The following ATRX variants were observed in gnomAD, a reference collection of about 807,000 sequenced individuals.
ATRX encodes ATRX chromatin remodeler, also known as chromatin remodeler ATRX.
ATRX carries 12 observed loss-of-function variants against 172.6 expected under a neutral mutation model. That is an observed-to-expected ratio of 0.07 (90% CI 0.04 to 0.11). ATRX has a LOEUF of 0.11. Ranked by LOEUF, ATRX falls within the 10% of genes least tolerant of loss-of-function variation. ATRX has a pLI of 1.00. For synonymous variants in ATRX, 674 were observed against 594.7 expected (o/e 1.13, Z -1.94); for missense variants, 1,368 against 1,767.4 (o/e 0.77, Z 4.05).
chrX:77,549,734 A>G (rs1466101430), intron 30 of ATRX, among the ~76,000 whole-genome samples: 2 of 112,308 alleles, frequency 1.8e-5, no homozygotes, highest in African/African-American at 3.2e-5. Context: ...CCCTTAAATC[A>G]ACTTATTAAA....
chrX:77,669,149 A>G (rs1557127995), intron 10 of ATRX, among the ~76,000 whole-genome samples: 1 of 111,645 alleles, frequency 9.0e-6, no homozygotes, highest in Non-Finnish European at 1.9e-5. Flanking sequence ...AGATATAGGA[A>G]ATGACTCAGC....
At chrX:77,609,757 A>T (rs1481363525) in intron 22 of ATRX, among the ~76,000 whole-genome samples, 4 of 112,068 alleles carry the variant, frequency 3.6e-5, no homozygotes, top group African/African-American at 1.3e-4. Context: ...GATTACAGGC[A>T]TGAGCCACCA....
intron 1 of ATRX, among the ~76,000 whole-genome samples, chrX:77,747,996 G>A (rs1191314032): frequency 9.0e-6 from 1 of 111,039 alleles, no homozygotes; most frequent in Non-Finnish European, 1.9e-5. Flanking sequence ...ATAAAGAAGG[G>A]GAGAAGAACA....
chrX:77,598,122 G>A (rs1194578047), intron 25 of ATRX, among the ~76,000 whole-genome samples: 1 of 111,632 alleles, frequency 9.0e-6, no homozygotes, highest in Non-Finnish European at 1.9e-5. Context: ...ACAAAATCAT[G>A]TCCTTTGCAG....
intron 12 of ATRX, among the ~76,000 whole-genome samples, chrX:77,657,073 A>G (rs1220791742): frequency 1.8e-5 from 2 of 111,742 alleles, no homozygotes; most frequent in Non-Finnish European, 3.8e-5. Flanking sequence ...AGAACTCGGA[A>G]AGGGAAACAA....
chrX:77,624,500 G>A (rs1055947842), intron 19 of ATRX, among the ~76,000 whole-genome samples: 1 of 112,072 alleles, frequency 8.9e-6, no homozygotes, highest in Non-Finnish European at 1.9e-5. Context: ...AAAGCTCCTA[G>A]AACTGATAAA....
At position 77,505,507 on chromosome X, in the gene ATRX, T is replaced by C. The variant is rs1374000817; in HGVS notation, c.*2844A>G. 4.0e-5 allele frequency: 7 copies of C among 173,284 alleles called. No homozygotes were observed. Among genetic ancestry groups the C allele is most frequent in the African/African-American group, 2.1e-4 (7 of 33,831 alleles). The allele number at this position is 173,284 out of a possible 1,213,427, so 14.3% of individuals were successfully genotyped here. On this transcript the variant is annotated 3_prime_UTR_variant, in exon 35 of 35. Transcript: ENST00000373344. ...ACAAACACACATGGACTTCCTGGTA[T>C]GTAAATTCTTTTTGAGATGAGAGAT...
At chrX:77,636,646 A>T (rs1201549295) in intron 15 of ATRX, among the ~76,000 whole-genome samples, 1 of 111,130 alleles carries the variant, frequency 9.0e-6, no homozygotes, top group Non-Finnish European at 1.9e-5. Flanking sequence ...AAAAATTTTA[A>T]ATCACTCTGA....
At chrX:77,674,106 C>T (rs1276891300) in intron 10 of ATRX, 1 of 110,955 alleles carries the variant, frequency 9.0e-6, no homozygotes, top group African/African-American at 3.3e-5. Flanking sequence ...CAATTGTGTA[C>T]AAATTTACAT....
At chrX:77,639,113 T>C (rs2068531614) in intron 15 of ATRX, among the ~76,000 whole-genome samples, 1 of 111,975 alleles carries the variant, frequency 8.9e-6, no homozygotes, top group Admixed American at 9.5e-5. Context: ...ATTACCGTCA[T>C]CTGATATAAA....
intron 1 of ATRX, 59 bp downstream of exon 1, chrX:77,785,923 G>C (rs2148994694): frequency 8.7e-7 from 1 of 1,154,016 alleles, no homozygotes; most frequent in Non-Finnish European, 1.2e-6. Context: ...CCAAACACCC[G>C]ACTCAGACGG....
At chrX:77,519,229 G>GA (rs1234490211) in intron 34 of ATRX, among the ~76,000 whole-genome samples, 1 of 111,540 alleles carries the variant, frequency 9.0e-6, no homozygotes, top group Non-Finnish European at 1.9e-5. Context: ...CAGAATGCGA[G>GA]AAAATATTTG....
intron 19 of ATRX, among the ~76,000 whole-genome samples, chrX:77,629,875 A>C (rs1413303896): frequency 8.9e-6 from 1 of 112,494 alleles, no homozygotes; most frequent in Admixed American, 9.4e-5. Context: ...AAGAAAAAGA[A>C]GTTGAAGATA....
rs1194331120 is a variant in ATRX, at chrX:77,596,179, G to T, written c.5957-2330C>A. The T allele has an allele frequency of 4.5e-5, 5 of 111,141 alleles. No individual in the cohort carries two copies. In the Admixed American group the frequency reaches 4.8e-4, roughly 11 times the overall value. 9.2% of individuals were successfully genotyped at this position (111,141 alleles called of 1,213,427 possible). On this transcript the variant is annotated intron_variant, in intron 25 of 34. Coordinates refer to ENST00000373344, the MANE Select transcript of ATRX (RefSeq NM_000489.6). ...AAAATCATATTGTAGCTCAATTATA[G>T]GTAATTAATTATTTAATATCCATTT...
At chrX:77,718,869 A>G (rs781788846) in intron 1 of ATRX, among the ~76,000 whole-genome samples, 1 of 111,645 alleles carries the variant, frequency 9.0e-6, no homozygotes, top group African/African-American at 3.3e-5. Flanking sequence ...CTTGGGCTAA[A>G]GCAATCCTCC....
At chrX:77,571,388 A>G (rs782429061) in intron 28 of ATRX, among the ~76,000 whole-genome samples, 61 of 112,184 alleles carry the variant, frequency 5.4e-4, no homozygotes, top group Admixed American at 8.5e-4. Context: ...GGAACAAACT[A>G]TTGATACATG....
At chrX:77,737,191 G>A (rs1452778877) in intron 1 of ATRX, among the ~76,000 whole-genome samples, 1 of 110,413 alleles carries the variant, frequency 9.1e-6, no homozygotes, top group South Asian at 3.8e-4. Context: ...TTAGGAGGCC[G>A]CGGCGGGCGA....
intron 6 of ATRX, among the ~76,000 whole-genome samples, chrX:77,689,794 C>A (rs2071785632): frequency 8.9e-6 from 1 of 112,058 alleles, no homozygotes; most frequent in Non-Finnish European, 1.9e-5. Context: ...GAATTAAAAT[C>A]TCTCAGGCAT....
intron 30 of ATRX, among the ~76,000 whole-genome samples, chrX:77,534,831 T>C (rs1223014802): frequency 9.0e-6 from 1 of 111,566 alleles, no homozygotes; most frequent in African/African-American, 3.3e-5. Context: ...AAAATTCCCA[T>C]CTAATTAATT....
Sources: gnomAD v4.1 joint callset for allele counts (sites outside exome capture counted in the v4.1 genomes callset) on GRCh38, gnomAD v4.1.1 for gene constraint, MANE v1.5 for transcripts, NCBI Gene and HGNC (gene_info 2026-07-23, HGNC 2026-07-21) for gene names.